Variants in RTCA observed in about 807,000 individuals in gnomAD.
RTCA encodes RNA terminal phosphate cyclase domain 1.
In RTCA, 37 loss-of-function variants were observed where a neutral mutation model predicts 46.1. That is an observed-to-expected ratio of 0.80 (90% CI 0.62 to 1.06). The LOEUF (loss-of-function observed/expected upper bound fraction) is 1.06, where lower values mean the gene tolerates loss of function less well. RTCA is among the 50% of genes least tolerant of loss of function. The probability of loss-of-function intolerance (pLI) is 0.00; values close to 1 mark genes in which losing one functional copy is unlikely to be tolerated. For missense variants in RTCA, 435 were observed against 455.5 expected, an observed-to-expected ratio of 0.95 and a Z score of 0.41; for synonymous variants, 164 against 158.3, an observed-to-expected ratio of 1.04 and a Z score of -0.27.
intron 5 of RTCA, among the ~76,000 whole-genome samples, chr1:100,274,597 T>G (rs1408780861): frequency 1.3e-5 from 2 of 152,254 alleles, no homozygotes; most frequent in Admixed American, 6.5e-5. Context: ...TTTTTAAATT[T>G]TATTTAATTT....
chr1:100,289,393 T>C (rs1038821971), intron 10 of RTCA, among the ~76,000 whole-genome samples: 1 of 152,086 alleles, frequency 6.6e-6, no homozygotes, highest in African/African-American at 2.4e-5. Flanking sequence ...TCCTCCCACC[T>C]CAGCTTCCCA....
intron 9 of RTCA, among the ~76,000 whole-genome samples, chr1:100,286,045 T>G (rs1357062672): frequency 1.3e-5 from 2 of 152,210 alleles, no homozygotes; most frequent in African/African-American, 2.4e-5. Flanking sequence ...ACCGTCTTTA[T>G]GCTGACAACT....
At chr1:100,267,288 T>TTTTGTCTACAGTTGAGAC in intron 2 of RTCA, 2 of 444,716 alleles carry the variant, frequency 4.5e-6, no homozygotes, top group Non-Finnish European at 7.8e-6. Context: ...ATCAGCGGTC[T>TTTTGTCTACAGTTGAGAC]CAGTCTTTTG....
At chr1:100,289,625 T>G (rs1391165810) in intron 10 of RTCA, among the ~76,000 whole-genome samples, 1 of 152,252 alleles carries the variant, frequency 6.6e-6, no homozygotes, top group East Asian at 1.9e-4. Context: ...TCTCTCCTTA[T>G]AGATTGATCT....
chr1:100,291,583 A>G lies in RTCA; in HGVS notation c.*79A>G. The G allele has an allele frequency of 3.3e-6, 3 of 903,210 alleles. No individual in the cohort carries two copies. Among genetic ancestry groups the G allele is most frequent in the East Asian group, 2.6e-5 (1 of 39,208 alleles). 55.9% of individuals were successfully genotyped at this position (903,210 alleles called of 1,614,324 possible). On this transcript the variant is annotated 3_prime_UTR_variant, in exon 11 of 11. Transcript: ENST00000370128. ...ACTATAAAATAATGACTAGGAAGTA[A>G]CTTATTAAAGGCTATGACTTAAATT...
chr1:100,267,437 C>A, intron 2 of RTCA: 1 of 1,416,838 alleles, frequency 7.1e-7, no homozygotes, highest in Non-Finnish European at 9.3e-7. Flanking sequence ...TTTGCTAGGG[C>A]TGCCATAACA....
intron 8 of RTCA, among the ~76,000 whole-genome samples, chr1:100,281,033 A>G (rs552471919): frequency 6.6e-6 from 1 of 152,170 alleles, no homozygotes; most frequent in Non-Finnish European, 1.5e-5. Flanking sequence ...AAACTACCAG[A>G]CCTTGAATCC....
intron 2 of RTCA, chr1:100,267,578 C>A: frequency 6.6e-7 from 1 of 1,524,392 alleles, no homozygotes. Flanking sequence ...GGATCTGCTC[C>A]AGGCCTGTCT....
intron 8 of RTCA, among the ~76,000 whole-genome samples, chr1:100,280,509 C>T (rs1450317367): frequency 6.6e-6 from 1 of 152,158 alleles, no homozygotes; most frequent in Non-Finnish European, 1.5e-5. Context: ...AACATGCCTG[C>T]TGAGATTGAC....
At chr1:100,283,850 G>T (rs2100809685) in intron 8 of RTCA, among the ~76,000 whole-genome samples, 1 of 144,430 alleles carries the variant, frequency 6.9e-6, no homozygotes, top group South Asian at 2.2e-4. Flanking sequence ...CACTTTGGGA[G>T]GCTGAAGCGG....
intron 8 of RTCA, among the ~76,000 whole-genome samples, chr1:100,284,789 C>T (rs568864692): frequency 6.2e-4 from 95 of 152,172 alleles, no homozygotes; most frequent in Middle Eastern, 3.4e-3. Flanking sequence ...TGGTAGATGG[C>T]GTCTAGCTAT....
chr1:100,278,397 A>C (rs947161045), intron 8 of RTCA, among the ~76,000 whole-genome samples: 8 of 152,214 alleles, frequency 5.3e-5, no homozygotes, highest in African/African-American at 1.7e-4. Context: ...TACTTTTACC[A>C]ATCAGGCAAC....
intron 8 of RTCA, among the ~76,000 whole-genome samples, chr1:100,279,601 T>A (rs1666578374): frequency 6.6e-6 from 1 of 151,820 alleles, no homozygotes; most frequent in African/African-American, 2.4e-5. Flanking sequence ...ATGGCAAGAT[T>A]CCATCTCTTA....
Position 100,266,358 on chromosome 1 carries a change from G to T in RTCA, c.-18G>T. On this transcript the variant is annotated 5_prime_UTR_variant, in exon 1 of 11. Coordinates refer to ENST00000370128, the MANE Select transcript of RTCA (RefSeq NM_003729.4). ...GCGGAGGCTTTGTCGCTGCGGGCTG[G>T]GCCCCAGGGTGTCCCCCATGGCGGG... 6.2e-7 allele frequency: 1 copy of T among 1,608,954 alleles called. No individual in the cohort carries two copies. Among genetic ancestry groups the T allele is most frequent in the Non-Finnish European group, 8.5e-7 (1 of 1,178,624 alleles).
At chr1:100,291,307 G>A (rs1490104426) in intron 10 of RTCA, 96 bp from the exon 11 acceptor site, 2 of 695,322 alleles carry the variant, frequency 2.9e-6, no homozygotes, top group Non-Finnish European at 2.5e-6. Flanking sequence ...CAATAAAATG[G>A]GCTTGACATT....
intron 10 of RTCA, among the ~76,000 whole-genome samples, chr1:100,287,926 T>C (rs567688791): frequency 6.6e-6 from 1 of 152,128 alleles, no homozygotes; most frequent in South Asian, 2.1e-4. Flanking sequence ...CCCAAGTAGC[T>C]AGGATTACAG....
At chr1:100,279,998 G>A (rs574347543) in intron 8 of RTCA, among the ~76,000 whole-genome samples, 10 of 152,306 alleles carry the variant, frequency 6.6e-5, no homozygotes, top group Admixed American at 1.3e-4. Context: ...GTAGAAGAAA[G>A]CCATATTAGA....
chr1:100,285,815 A>G (rs1239359581), intron 9 of RTCA, among the ~76,000 whole-genome samples: 1 of 152,152 alleles, frequency 6.6e-6, no homozygotes, highest in East Asian at 1.9e-4. Context: ...TTTAATTTTT[A>G]TAGAGACGAG....
At chr1:100,287,783 C>G (rs1388436421) in intron 10 of RTCA, among the ~76,000 whole-genome samples, 1 of 140,192 alleles carries the variant, frequency 7.1e-6, no homozygotes, top group East Asian at 2.1e-4. Flanking sequence ...TCATACCTTT[C>G]CTACAGGATT....
Sources: allele counts gnomAD v4.1 joint callset (sites outside exome capture counted in the v4.1 genomes callset), GRCh38; gene constraint gnomAD v4.1.1; transcripts MANE v1.5; gene names NCBI Gene and HGNC (gene_info 2026-07-23, HGNC 2026-07-21).